The following DDX19A variants were observed in gnomAD, a reference collection of about 807,000 sequenced individuals.
The protein encoded by DDX19A is ATP-dependent RNA helicase DDX19A.
A neutral mutation model predicts 60.6 loss-of-function variants in DDX19A; 12 were observed. That is an observed-to-expected ratio of 0.20 (90% CI 0.13 to 0.32). The LOEUF is 0.32. Among genes scored for constraint, DDX19A ranks in the 10% least tolerant of loss-of-function variants. The pLI is 1.00. For synonymous variants in DDX19A, 206 were observed against 218.2 expected (o/e 0.94, Z 0.49); for missense variants, 337 against 600.6 (o/e 0.56, Z 4.59).
intron 5 of DDX19A, 75 bp from the exon 6 acceptor site, chr16:70,364,468 C>T: frequency 8.5e-7 from 1 of 1,176,924 alleles, no homozygotes; most frequent in Non-Finnish European, 1.3e-6. Context: ...ATATGCCTTT[C>T]ATTCAGAAAG....
intron 3 of DDX19A, chr16:70,355,771 G>C: frequency 1.7e-6 from 1 of 585,732 alleles, no homozygotes; most frequent in Non-Finnish European, 3.0e-6. Context: ...AGACCAGCCT[G>C]GGCAACATAC....
chr16:70,351,415 C>T (rs2152223950), intron 2 of DDX19A, among the ~76,000 whole-genome samples: 2 of 151,740 alleles, frequency 1.3e-5, no homozygotes, highest in East Asian at 3.9e-4. Context: ...TCATATTGCC[C>T]AGGCTGGTCT....
chr16:70,370,528 CTGTT>C (rs1335202770), intron 10 of DDX19A, 143 bp downstream of exon 10: 4 of 1,298,468 alleles, frequency 3.1e-6, no homozygotes, highest in South Asian at 3.8e-5. Context: ...CTAGGAGAGA[CTGTT>C]TGGATTTCCC....
Position 70,346,965 on chromosome 16 carries a change from A to C in DDX19A, c.-27A>C, listed in dbSNP as rs1963848511. The C allele has an allele frequency of 8.7e-6, 14 of 1,607,612 alleles. No homozygotes were observed. Among genetic ancestry groups the C allele is most frequent in the Non-Finnish European group, 1.2e-5 (14 of 1,177,732 alleles). ...GCGACGTGGTGCAGCGCATATTTTC[A>C]CAAGTGGGTCTCCCTTGTCCGGGAC... On this transcript the variant is annotated 5_prime_UTR_variant, in exon 1 of 12. Transcript: ENST00000302243.
intron 5 of DDX19A, among the ~76,000 whole-genome samples, chr16:70,362,608 C>CAG (rs1218685288): frequency 6.6e-6 from 1 of 152,060 alleles, no homozygotes; most frequent in Non-Finnish European, 1.5e-5. Context: ...GACAGGGTCT[C>CAG]ATTCTGTTTC....
chr16:70,364,475 A>C (rs1964459769), intron 5 of DDX19A, 68 bp from the exon 6 acceptor site: 1 of 1,260,790 alleles, frequency 7.9e-7, no homozygotes, highest in South Asian at 1.2e-5. Flanking sequence ...TTTCATTCAG[A>C]AAGAACATTT....
chr16:70,363,772 C>T (rs1597535974), intron 5 of DDX19A: 1 of 151,872 alleles, frequency 6.6e-6, no homozygotes, highest in African/African-American at 2.4e-5. Context: ...TGGAGTCTCG[C>T]TCTGTCGCCC....
chr16:70,358,795 C>T (rs563934755), intron 4 of DDX19A, among the ~76,000 whole-genome samples: 2 of 152,210 alleles, frequency 1.3e-5, no homozygotes, highest in South Asian at 2.1e-4. Flanking sequence ...TGCAGTGAGC[C>T]GAGATCATGC....
chr16:70,371,806 G>C, intron 11 of DDX19A, 119 bp from the exon 12 acceptor site: 3 of 1,450,066 alleles, frequency 2.1e-6, no homozygotes, highest in Non-Finnish European at 2.9e-6. Flanking sequence ...TCAGTGACTA[G>C]GGGCCCTGCT....
rs757196559 is a variant in DDX19A at position 70,362,012 on chromosome 16, T to TA, written c.386+502_386+503insA. 3.1e-3 allele frequency among the ~76,000 whole-genome samples: 416 copies of TA among 135,518 alleles called. 3 individuals carry two copies. The highest frequency in any genetic ancestry group is 6.4e-3 in the East Asian group (30 of 4,694). The allele number at this position is 135,518 out of a possible 152,430, so 88.9% of individuals were successfully genotyped here. A position where few individuals can be genotyped will look rare whatever the true frequency, so the allele number is the denominator to read the frequency against. On this transcript the variant is annotated intron_variant, in intron 5 of 11. Transcript: ENST00000302243. ...ATGGTGAAACCCCGTCTTACTAAAA[T>TA]CAAAAAAAAAAAAATATCCAGGCCT...
chr16:70,355,994 G>A lies in DDX19A; in HGVS notation c.158-118G>A, dbSNP rs185078289. On this transcript the variant is annotated intron_variant, in intron 3 of 11. Coordinates refer to ENST00000302243, the MANE Select transcript of DDX19A (RefSeq NM_018332.5). ...TAAATAGAGACCTATCAGTGTGATG[G>A]TTTTTCTCCAGCCGTGCTTGACTGC... 67 of 1,324,100 alleles carry A rather than the reference G, an allele frequency of 5.1e-5. 1 individual carries two copies. The East Asian group carries it at 1.5e-3, about 30-fold the overall frequency. The allele number at this position is 1,324,100 out of a possible 1,614,324, so 82.0% of individuals were successfully genotyped here.
intron 2 of DDX19A, among the ~76,000 whole-genome samples, chr16:70,355,184 C>G (rs1201517517): frequency 6.6e-6 from 1 of 152,016 alleles, no homozygotes; most frequent in Admixed American, 6.6e-5. Flanking sequence ...CAAGACCATC[C>G]TGGCCAACGT....
chr16:70,371,812 C>G (rs1443908032), intron 11 of DDX19A, 113 bp from the exon 12 acceptor site: 2 of 1,488,788 alleles, frequency 1.3e-6, no homozygotes, highest in African/African-American at 2.8e-5. Context: ...ACTAGGGGCC[C>G]TGCTGCCCCC....
At position 70,348,624 on chromosome 16, in the gene DDX19A, C is replaced by T. The variant is rs1597517818; in HGVS notation, c.57+1576C>T. On this transcript the variant is annotated intron_variant, in intron 1 of 11. Coordinates refer to ENST00000302243, the MANE Select transcript of DDX19A (RefSeq NM_018332.5). ...CCTGGGCTACTGAGTGAGACTCTGT[C>T]TCAAAAAAAAAAAAAAAAAAAAAAA... Among the ~76,000 whole-genome samples, 5 of 65,800 alleles carry T rather than the reference C, an allele frequency of 7.6e-5. No homozygotes were observed. The South Asian group carries it at 1.6e-3, about 22-fold the overall frequency. 43.2% of individuals were successfully genotyped at this position (65,800 alleles called of 152,430 possible).
chr16:70,367,232 T>A (rs1464329099), intron 9 of DDX19A, among the ~76,000 whole-genome samples: 1 of 151,006 alleles, frequency 6.6e-6, no homozygotes, highest in African/African-American at 2.4e-5. Flanking sequence ...ATCGAGACCA[T>A]CCTGACTAAC....
At chr16:70,361,758 C>T (rs957069092) in intron 5 of DDX19A, 4 of 342,862 alleles carry the variant, frequency 1.2e-5, no homozygotes, top group African/African-American at 2.2e-5. Flanking sequence ...GGCTTAAGGC[C>T]GGGCATGGTG....
At chr16:70,371,697 A>C in intron 11 of DDX19A, 134 bp downstream of exon 11, 1 of 1,022,708 alleles carries the variant, frequency 9.8e-7, no homozygotes, top group Non-Finnish European at 1.4e-6. Context: ...ACCATATGGC[A>C]GTTCTCAGGG....
chr16:70,369,244 A>G (rs911382838), intron 9 of DDX19A, among the ~76,000 whole-genome samples: 1 of 128,470 alleles, frequency 7.8e-6, no homozygotes, highest in East Asian at 2.3e-4. Flanking sequence ...CAATGGCATG[A>G]TCTTGGCTCA....
At chr16:70,370,744 C>T (rs1289227195) in intron 10 of DDX19A, 1 of 201,868 alleles carries the variant, frequency 5.0e-6, no homozygotes, top group Non-Finnish European at 1.0e-5. Flanking sequence ...GCCTGTAATC[C>T]CAGCACTTTG....
Sources: allele counts gnomAD v4.1 joint callset (sites outside exome capture counted in the v4.1 genomes callset), GRCh38; gene constraint gnomAD v4.1.1; transcripts MANE v1.5; gene names NCBI Gene and HGNC (gene_info 2026-07-23, HGNC 2026-07-21).